Variants in RAPGEF2 observed in about 807,000 individuals in gnomAD.
RAPGEF2 encodes the protein PDZ domain containing guanine nucleotide exchange factor (GEF) 1.
RAPGEF2 carries 54 observed loss-of-function variants against 186.7 expected under a neutral mutation model. The ratio of observed to expected loss-of-function variants is 0.29; its 90% CI spans 0.23 to 0.36. The LOEUF (loss-of-function observed/expected upper bound fraction) is 0.36, where lower values mean the gene tolerates loss of function less well. Among genes scored for constraint, RAPGEF2 ranks in the 10% least tolerant of loss-of-function variants. The pLI is 1.00. For missense variants in RAPGEF2, 1,532 were observed against 2,045.0 expected, an observed-to-expected ratio of 0.75 and a Z score of 4.84; for synonymous variants, 712 against 705.9, an observed-to-expected ratio of 1.01 and a Z score of -0.14.
intron 1 of RAPGEF2, among the ~76,000 whole-genome samples, chr4:159,139,401 G>T (rs1742069191): frequency 6.6e-6 from 1 of 152,080 alleles, no homozygotes; most frequent in African/African-American, 2.4e-5. Flanking sequence ...TCTCATTTCA[G>T]ATCATATTTC....
At chr4:159,132,572 A>G (rs1236568917) in intron 1 of RAPGEF2, among the ~76,000 whole-genome samples, 1 of 152,166 alleles carries the variant, frequency 6.6e-6, no homozygotes, top group Non-Finnish European at 1.5e-5. Context: ...AGGCGTGGCA[A>G]GTTGTTGGCT....
intron 7 of RAPGEF2, among the ~76,000 whole-genome samples, chr4:159,295,761 G>A (rs1407315447): frequency 1.0e-4 from 12 of 120,138 alleles, no homozygotes; most frequent in East Asian, 2.0e-4. Flanking sequence ...GTGTGCGCGC[G>A]CGCGCGCGCG....
chr4:159,245,420 G>C (rs1754517712), intron 7 of RAPGEF2, among the ~76,000 whole-genome samples: 1 of 152,010 alleles, frequency 6.6e-6, no homozygotes, highest in African/African-American at 2.4e-5. Context: ...GTCTTAGAGT[G>C]AGTAGATTAT....
chr4:159,315,787 AC>A (rs1764517477), intron 9 of RAPGEF2, among the ~76,000 whole-genome samples: 1 of 152,222 alleles, frequency 6.6e-6, no homozygotes, highest in African/African-American at 2.4e-5. Flanking sequence ...GACTTTTAGT[AC>A]TTTCACTAAT....
At chr4:159,179,916 A>G (rs1256761895) in intron 1 of RAPGEF2, among the ~76,000 whole-genome samples, 1 of 152,180 alleles carries the variant, frequency 6.6e-6, no homozygotes, top group Non-Finnish European at 1.5e-5. Flanking sequence ...CAGACAGTTC[A>G]TGTGCAAGTT....
At chr4:159,254,215 A>G (rs1755854799) in intron 7 of RAPGEF2, among the ~76,000 whole-genome samples, 2 of 152,218 alleles carry the variant, frequency 1.3e-5, no homozygotes, top group South Asian at 2.1e-4. Flanking sequence ...CAAGGACAAT[A>G]TTGGTAATAA....
At chr4:159,284,759 C>G (rs1760226955) in intron 7 of RAPGEF2, among the ~76,000 whole-genome samples, 1 of 152,206 alleles carries the variant, frequency 6.6e-6, no homozygotes, top group African/African-American at 2.4e-5. Flanking sequence ...CTTTCCTTAA[C>G]TTACTCTTCT....
chr4:159,108,272 A>G (rs1344050658), intron 1 of RAPGEF2, among the ~76,000 whole-genome samples: 2 of 152,138 alleles, frequency 1.3e-5, no homozygotes, highest in Non-Finnish European at 2.9e-5. Flanking sequence ...TTAGCTTTGC[A>G]TATCTTGGCT....
chr4:159,223,639 G>A (rs368886430), intron 4 of RAPGEF2, among the ~76,000 whole-genome samples: 3 of 152,098 alleles, frequency 2.0e-5, no homozygotes, highest in African/African-American at 7.2e-5. Context: ...ATTTCATTAG[G>A]CTAAATCAGA....
At chr4:159,139,191 G>A (rs1401716868) in intron 1 of RAPGEF2, among the ~76,000 whole-genome samples, 2 of 152,198 alleles carry the variant, frequency 1.3e-5, no homozygotes, top group African/African-American at 4.8e-5. Context: ...GTAAGGCATA[G>A]TGCAGGGAAC....
chr4:159,350,549 G>T (rs1310048602), intron 26 of RAPGEF2, among the ~76,000 whole-genome samples: 1 of 151,966 alleles, frequency 6.6e-6, no homozygotes, highest in African/African-American at 2.4e-5. Context: ...TTTTAATTCA[G>T]ATAAATATAC....
chr4:159,216,188 C>G (rs1051510649), intron 4 of RAPGEF2, among the ~76,000 whole-genome samples: 1 of 152,010 alleles, frequency 6.6e-6, no homozygotes, highest in Non-Finnish European at 1.5e-5. Flanking sequence ...CTGGAATATT[C>G]AAAGGAAGCA....
intron 11 of RAPGEF2, 162 bp from the exon 12 acceptor site, chr4:159,329,696 A>G (rs1302167387): frequency 2.2e-6 from 1 of 445,660 alleles, no homozygotes. Flanking sequence ...ATACATTAAA[A>G]GTAGAGAAGT....
At chr4:159,267,725 T>G (rs1482554762) in intron 7 of RAPGEF2, 2 of 1,011,966 alleles carry the variant, frequency 2.0e-6, no homozygotes. Context: ...CCACCCTGAC[T>G]AATATAATTC....
At chr4:159,214,897 C>T (rs1289157167) in intron 4 of RAPGEF2, among the ~76,000 whole-genome samples, 2 of 152,154 alleles carry the variant, frequency 1.3e-5, no homozygotes, top group Non-Finnish European at 2.9e-5. Flanking sequence ...GAGTCTTACT[C>T]TGTTGTCCAG....
intron 1 of RAPGEF2, among the ~76,000 whole-genome samples, chr4:159,122,815 C>T (rs1156498136): frequency 6.6e-6 from 1 of 152,122 alleles, no homozygotes; most frequent in Non-Finnish European, 1.5e-5. Context: ...ATACAAAGTG[C>T]CACTGGTGAT....
At chr4:159,126,324 A>G (rs935939066) in intron 1 of RAPGEF2, among the ~76,000 whole-genome samples, 1 of 152,190 alleles carries the variant, frequency 6.6e-6, no homozygotes, top group Non-Finnish European at 1.5e-5. Context: ...ATAGCATAGG[A>G]GAGAGCAATT....
At chr4:159,343,438 G>T in intron 22 of RAPGEF2, 34 bp downstream of exon 22, 1 of 1,599,248 alleles carries the variant, frequency 6.3e-7, no homozygotes, top group Admixed American at 1.7e-5. Flanking sequence ...ACGTGTGAGA[G>T]TAGAGAAGGT....
chr4:159,325,757 T>C (rs1392589563), intron 11 of RAPGEF2, among the ~76,000 whole-genome samples: 2 of 152,050 alleles, frequency 1.3e-5, no homozygotes, highest in Non-Finnish European at 2.9e-5. Flanking sequence ...TATTACAGAG[T>C]GCTTAAGTCA....
Sources: allele counts gnomAD v4.1 joint callset (sites outside exome capture counted in the v4.1 genomes callset), GRCh38; gene constraint gnomAD v4.1.1; transcripts MANE v1.5; gene names NCBI Gene and HGNC (gene_info 2026-07-23, HGNC 2026-07-21).